Variants in USP53 observed in about 807,000 individuals in gnomAD.
The protein encoded by USP53 is ubiquitin carboxyl-terminal hydrolase 53.
Under a neutral mutation model 94.9 loss-of-function variants are expected in USP53, and 71 were observed. That is an observed-to-expected ratio of 0.75 (90% CI 0.62 to 0.91). The LOEUF is 0.91. USP53 is among the 40% of genes least tolerant of loss of function. The pLI, the probability that USP53 is intolerant of heterozygous loss-of-function variation, is 0.00. For synonymous variants in USP53, 375 were observed against 422.7 expected (o/e 0.89, Z 1.39); for missense variants, 1,173 against 1,281.0 (o/e 0.92, Z 1.29).
intron 6 of USP53, among the ~76,000 whole-genome samples, chr4:119,247,206 C>A: frequency 6.6e-6 from 1 of 152,122 alleles, no homozygotes; most frequent in East Asian, 1.9e-4. Context: ...TGTAGCCCTG[C>A]ACAGTCACCT....
chr4:119,256,196 T>C, intron 7 of USP53, 50 bp from the exon 8 acceptor site: 2 of 1,352,062 alleles, frequency 1.5e-6, no homozygotes, highest in Non-Finnish European at 2.1e-6. Flanking sequence ...TATTTTGCTG[T>C]GTTCCCTGCA....
At chr4:119,279,815 T>G (rs1401917197) in intron 17 of USP53, among the ~76,000 whole-genome samples, 1 of 152,230 alleles carries the variant, frequency 6.6e-6, no homozygotes, top group Non-Finnish European at 1.5e-5. Context: ...TCGCCGCTTT[T>G]TAAGCCGGTC....
At chr4:119,255,977 G>A (rs896459136) in intron 7 of USP53, among the ~76,000 whole-genome samples, 5 of 152,062 alleles carry the variant, frequency 3.3e-5, no homozygotes, top group Non-Finnish European at 5.9e-5. Flanking sequence ...CAGTCACCAT[G>A]GGTTTTTAGA....
rs758143848 is a variant in USP53, at chr4:119,271,702, T to C, written c.1842T>C (p.Ser614=). 1 of 1,614,006 alleles carries C rather than the reference T, an allele frequency of 6.2e-7. No homozygotes were observed. The highest frequency in any genetic ancestry group is 1.3e-5 in the African/African-American group (1 of 75,030). ...GTCCAAGACATAAACCAAATATCAG[T>C]AATAAGCCTAAATCTAGCAAGGATC... ...QHSPRHKPNI[S]NKPKSSKDPS... The change falls in exon 16 of 19, where the codon AGT becomes AGC. Residue 614 remains serine, a synonymous_variant. Coordinates refer to ENST00000692078, the MANE Select transcript of USP53 (RefSeq NM_001371395.1).
intron 7 of USP53, among the ~76,000 whole-genome samples, chr4:119,250,609 T>A (rs1490119668): frequency 6.6e-6 from 1 of 152,272 alleles, no homozygotes; most frequent in East Asian, 1.9e-4. Context: ...TGAATTATTC[T>A]AATACATGAT....
rs1754879770 is a variant in USP53, at chr4:119,292,572, A to G, written c.2583A>G (p.Ser861=). The change falls in exon 19 of 19, where the codon TCA becomes TCG. Residue 861 remains serine (S), a synonymous_variant. Coordinates refer to ENST00000692078, the MANE Select transcript of USP53 (RefSeq NM_001371395.1). The part of the protein sequence containing the change: ...GKRVNSNEPS[S]LWSSHLRTVG... ...GAGTGAACAGTAATGAACCATCTTCATTATGGTCTTCACACCTAAGAACTG... is the reference window on the plus strand; with the variant it reads ...GAGTGAACAGTAATGAACCATCTTCGTTATGGTCTTCACACCTAAGAACTG... The G allele has an allele frequency of 1.9e-6, 3 of 1,614,074 alleles. No individual in the cohort carries two copies. The highest frequency in any genetic ancestry group is 1.7e-6 in the Non-Finnish European group (2 of 1,179,956).
chr4:119,215,416 A>G (rs1012604650), intron 2 of USP53, among the ~76,000 whole-genome samples: 1 of 152,102 alleles, frequency 6.6e-6, no homozygotes, highest in African/African-American at 2.4e-5. Flanking sequence ...CAGGTTATAC[A>G]TTTTTTAAAA....
chr4:119,286,389 G>A (rs898906588), intron 17 of USP53, among the ~76,000 whole-genome samples: 14 of 151,268 alleles, frequency 9.3e-5, no homozygotes, highest in Admixed American at 6.6e-4. Flanking sequence ...GTGTCAAAGC[G>A]TTAAAATTGG....
At chr4:119,263,418 AT>A (rs1416155064) in intron 12 of USP53, among the ~76,000 whole-genome samples, 1 of 152,156 alleles carries the variant, frequency 6.6e-6, no homozygotes, top group Non-Finnish European at 1.5e-5. Flanking sequence ...GGAGGCCTAG[AT>A]GGCTAAAATT....
intron 17 of USP53, among the ~76,000 whole-genome samples, chr4:119,283,490 T>C (rs1015911850): frequency 2.6e-5 from 4 of 151,862 alleles, no homozygotes; most frequent in African/African-American, 9.7e-5. Flanking sequence ...GGTGGTAGTA[T>C]AGAGGATAAA....
chr4:119,233,025 T>A (rs1414924360), intron 3 of USP53, among the ~76,000 whole-genome samples: 1 of 152,114 alleles, frequency 6.6e-6, no homozygotes. Flanking sequence ...TTTTTTCTTG[T>A]ATTAATTTTG....
chr4:119,255,882 A>T (rs1749702131), intron 7 of USP53, among the ~76,000 whole-genome samples: 1 of 152,172 alleles, frequency 6.6e-6, no homozygotes, highest in South Asian at 2.1e-4. Flanking sequence ...GCCATCCAGG[A>T]TTTTTTTTAA....
At chr4:119,250,472 A>G (rs1748825283) in intron 7 of USP53, among the ~76,000 whole-genome samples, 1 of 152,246 alleles carries the variant, frequency 6.6e-6, no homozygotes, top group South Asian at 2.1e-4. Flanking sequence ...GTTGATTAAA[A>G]TGTCAATAAT....
At position 119,259,717 on chromosome 4, in the gene USP53, A is replaced by T. The variant is rs554378235; in HGVS notation, c.570-103A>T. The T allele has an allele frequency of 5.5e-5, 40 of 723,298 alleles. No homozygotes were observed. In the African/African-American group the frequency reaches 5.9e-4, roughly 11 times the overall value. The allele number at this position is 723,298 out of a possible 1,614,324, so 44.8% of individuals were successfully genotyped here. On this transcript the variant is annotated intron_variant, in intron 9 of 18. Coordinates refer to ENST00000692078, the MANE Select transcript of USP53 (RefSeq NM_001371395.1). ...TTTTTCAGTCATGGTCATGTTTTAG[A>T]TAGAAAAAGTGATGCACATCTAAAC...
At chr4:119,291,369 A>G in intron 18 of USP53, 108 bp downstream of exon 18, 1 of 557,336 alleles carries the variant, frequency 1.8e-6, no homozygotes, top group South Asian at 3.5e-5. Context: ...TAGTATTGAG[A>G]TGCCTTTCTT....
In USP53 at chr4:119,245,483, A is replaced by G; in HGVS notation, c.237+54A>G. The G allele has an allele frequency of 3.3e-6, 5 of 1,519,004 alleles. No individual in the cohort carries two copies. The South Asian group carries it at 4.6e-5, about 14-fold the overall frequency. 94.1% of individuals were successfully genotyped at this position (1,519,004 alleles called of 1,614,324 possible). ...CTATCAATTGTTCCTTCAAAAATTT[A>G]AGTTTGATATATTGGGTCAGTTTGT... is the stretch of plus-strand genomic sequence containing the variant. On this transcript the variant is annotated intron_variant, in intron 6 of 18. Coordinates refer to ENST00000692078, the MANE Select transcript of USP53 (RefSeq NM_001371395.1).
In USP53 at chr4:119,212,955, A is replaced by G. The variant is rs117433117; in HGVS notation, c.-942+82A>G. ...GGCCTGACCGGGACACTCTCATTCT[A>G]GCCCCAGAGCTCGTCTCTCCCCTCG... On this transcript the variant is annotated intron_variant, in intron 1 of 18. Coordinates refer to ENST00000692078, the MANE Select transcript of USP53 (RefSeq NM_001371395.1). 520 of 160,166 alleles carry G rather than the reference A, an allele frequency of 3.2e-3. 16 individuals carry two copies. In the East Asian group the frequency reaches 0.057, roughly 18 times the overall value. The allele number at this position is 160,166 out of a possible 1,614,324, so 9.9% of individuals were successfully genotyped here. A position where few individuals can be genotyped will look rare whatever the true frequency, so the allele number is the denominator to read the frequency against.
chr4:119,253,635 T>G (rs1291763465), intron 7 of USP53, among the ~76,000 whole-genome samples: 1 of 152,202 alleles, frequency 6.6e-6, no homozygotes, highest in Non-Finnish European at 1.5e-5. Context: ...ATGGGTCTCC[T>G]GAATACAGCA....
At chr4:119,260,362 G>T in intron 10 of USP53, 145 bp from the exon 11 acceptor site, 2 of 534,022 alleles carry the variant, frequency 3.7e-6, no homozygotes, top group Admixed American at 3.8e-5. Context: ...CAATAATTAA[G>T]ACAAACAGCT....
Sources: allele counts gnomAD v4.1 joint callset (sites outside exome capture counted in the v4.1 genomes callset), GRCh38; gene constraint gnomAD v4.1.1; transcripts MANE v1.5; gene names NCBI Gene and HGNC (gene_info 2026-07-23, HGNC 2026-07-21).